The following AFAP1 variants were observed in gnomAD, a reference collection of about 807,000 sequenced individuals.
AFAP1 encodes actin filament associated protein 1, also known as actin filament-associated protein 1.
A neutral mutation model predicts 93.9 loss-of-function variants in AFAP1; 75 were observed. That is an observed-to-expected ratio of 0.80 (90% CI 0.66 to 0.97). The LOEUF is 0.97. Among genes scored for constraint, AFAP1 ranks in the 50% least tolerant of loss-of-function variants. The pLI is 0.00. For missense variants in AFAP1, 1,201 were observed against 1,050.8 expected (o/e 1.14, Z -1.98); for synonymous variants, 517 against 430.7 (o/e 1.20, Z -2.48).
At position 7,873,268 on chromosome 4, in the gene AFAP1, T is replaced by A. The variant is rs1269398530; in HGVS notation, c.-2-1188A>T. 2.1e-5 allele frequency among the ~76,000 whole-genome samples: 3 copies of A among 143,390 alleles called. No homozygotes were observed. The East Asian group carries it at 6.3e-4, about 30-fold the overall frequency. The allele number at this position is 143,390 out of a possible 152,430, so 94.1% of individuals were successfully genotyped here. A position where few individuals can be genotyped will look rare whatever the true frequency, so the allele number is the denominator to read the frequency against. On this transcript the variant is annotated intron_variant, in intron 1 of 17. Transcript: ENST00000420658. ...AAAAAAAAAAAAAAAAAAACCCCAC[T>A]TTCACTTAGGAGTGTCTTTGAGAAA...
intron 1 of AFAP1, among the ~76,000 whole-genome samples, chr4:7,879,875 G>A (rs1338099521): frequency 1.3e-5 from 2 of 151,982 alleles, no homozygotes; most frequent in African/African-American, 2.4e-5. Flanking sequence ...CTATTTGCCA[G>A]ACTGGTCTTG....
At position 7,780,275 on chromosome 4, in the gene AFAP1, G is replaced by A. The variant is rs75933658; in HGVS notation, c.1782+1101C>T. Among the ~76,000 whole-genome samples the A allele has an allele frequency of 8.9e-3, 1,352 of 152,274 alleles. 13 individuals are homozygous for A. The highest frequency in any genetic ancestry group is 0.03 in the African/African-American group (1,256 of 41,550). On this transcript the variant is annotated intron_variant, in intron 13 of 17. Coordinates refer to ENST00000420658, the MANE Select transcript of AFAP1 (RefSeq NM_001134647.2). ...CCCCAGGGATGGGATCTGAACAACC[G>A]TCATGAAAAATCAAAAAGCAACACC...
chr4:7,777,271 T>C (rs12504177), intron 14 of AFAP1: 13,557 of 152,192 alleles, frequency 0.089, 777 homozygotes, highest in Non-Finnish European at 0.13. Context: ...CAAAGGAAGT[T>C]AGTACATTAA....
chr4:7,927,705 TCA>T (rs1720845285), intron 1 of AFAP1, among the ~76,000 whole-genome samples: 1 of 152,174 alleles, frequency 6.6e-6, no homozygotes, highest in Admixed American at 6.5e-5. Flanking sequence ...ACTCATATAT[TCA>T]CAGTGTATTT....
At chr4:7,839,015 T>C (rs1177721026) in intron 5 of AFAP1, among the ~76,000 whole-genome samples, 1 of 152,200 alleles carries the variant, frequency 6.6e-6, no homozygotes, top group Non-Finnish European at 1.5e-5. Flanking sequence ...GGCTTCTTCA[T>C]TAAATTACAT....
At chr4:7,919,569 C>A (rs551440269) in intron 1 of AFAP1, among the ~76,000 whole-genome samples, 1 of 152,070 alleles carries the variant, frequency 6.6e-6, no homozygotes, top group Non-Finnish European at 1.5e-5. Context: ...AAGCCATGTG[C>A]GAAAGAGCTT....
At chr4:7,914,561 T>C (rs574832065) in intron 1 of AFAP1, among the ~76,000 whole-genome samples, 1 of 152,196 alleles carries the variant, frequency 6.6e-6, no homozygotes, top group Non-Finnish European at 1.5e-5. Flanking sequence ...ACACCGAGGC[T>C]GATTCCATAT....
intron 1 of AFAP1, among the ~76,000 whole-genome samples, chr4:7,873,196 T>C (rs1462382427): frequency 2.9e-5 from 4 of 137,994 alleles, no homozygotes; most frequent in African/African-American, 5.4e-5. Flanking sequence ...TGAGCCAAGA[T>C]TGCACCACTG....
Position 7,759,436 on chromosome 4 carries a change from C to CA in AFAP1, c.*4328dup, listed in dbSNP as rs1713460493. Reference sequence around the variant, plus strand: ...GACGCCCTGCTATGGCTTGGGGACTCACGAATAGAGGTGACTGCTTTTTCT... The same window carrying CA: ...GACGCCCTGCTATGGCTTGGGGACTCAACGAATAGAGGTGACTGCTTTTTCT... On this transcript the variant is annotated 3_prime_UTR_variant, in exon 18 of 18. Transcript: ENST00000420658. 1 of 152,584 alleles carries CA rather than the reference C, an allele frequency of 6.6e-6. No homozygotes were observed. The highest frequency in any genetic ancestry group is 2.4e-5 in the African/African-American group (1 of 41,412). 9.5% of individuals were successfully genotyped at this position (152,584 alleles called of 1,614,324 possible).
chr4:7,835,962 T>TTTG (rs1712247915), intron 6 of AFAP1, among the ~76,000 whole-genome samples: 1 of 152,010 alleles, frequency 6.6e-6, no homozygotes, highest in Non-Finnish European at 1.5e-5. Context: ...CACCCCCAAG[T>TTTG]GTGCGGGAGA....
intron 1 of AFAP1, among the ~76,000 whole-genome samples, chr4:7,909,068 T>A (rs1417644843): frequency 6.6e-6 from 1 of 152,200 alleles, no homozygotes; most frequent in Middle Eastern, 3.2e-3. Context: ...TAGTCTTTGG[T>A]TCGAGGGGTA....
intron 3 of AFAP1, among the ~76,000 whole-genome samples, chr4:7,859,593 A>G (rs985851267): frequency 6.6e-6 from 1 of 152,194 alleles, no homozygotes; most frequent in Non-Finnish European, 1.5e-5. Flanking sequence ...CAAATTCACT[A>G]AAATATTTCT....
intron 3 of AFAP1, among the ~76,000 whole-genome samples, chr4:7,857,442 T>G (rs975188451): frequency 1.3e-5 from 2 of 152,090 alleles, no homozygotes; most frequent in Admixed American, 6.6e-5. Context: ...GTTACCTCCC[T>G]CCCGCCCCCC....
intron 1 of AFAP1, among the ~76,000 whole-genome samples, chr4:7,897,265 A>T (rs1718838170): frequency 6.6e-6 from 1 of 152,212 alleles, no homozygotes; most frequent in African/African-American, 2.4e-5. Context: ...AGGACATCAG[A>T]GTAAATTCAG....
chr4:7,919,103 T>G (rs1189966133), intron 1 of AFAP1, among the ~76,000 whole-genome samples: 1 of 151,718 alleles, frequency 6.6e-6, no homozygotes, highest in Non-Finnish European at 1.5e-5. Flanking sequence ...GATGAGACAC[T>G]AGGCCCAGAT....
intron 1 of AFAP1, among the ~76,000 whole-genome samples, chr4:7,889,820 T>C (rs1718352560): frequency 6.7e-6 from 1 of 150,040 alleles, no homozygotes; most frequent in African/African-American, 2.4e-5. Context: ...ATGTAAACAA[T>C]CTATAAACTG....
At chr4:7,855,142 G>A (rs1451322100) in intron 4 of AFAP1, among the ~76,000 whole-genome samples, 1 of 152,236 alleles carries the variant, frequency 6.6e-6, no homozygotes, top group Non-Finnish European at 1.5e-5. Context: ...GACTAAGGAA[G>A]TGGGGGCTGT....
chr4:7,915,040 G>A lies in AFAP1; in HGVS notation c.-3+24616C>T, dbSNP rs528267428. On this transcript the variant is annotated intron_variant, in intron 1 of 17. Coordinates refer to ENST00000420658, the MANE Select transcript of AFAP1 (RefSeq NM_001134647.2). Reference sequence around the variant, plus strand: ...GCTGGGATTACAGGCGTGATCCACCGACCCAGCTAATTTTTGTATTTTTAG... The same window carrying A: ...GCTGGGATTACAGGCGTGATCCACCAACCCAGCTAATTTTTGTATTTTTAG... Among the ~76,000 whole-genome samples, 13 of 152,076 alleles carry A rather than the reference G, an allele frequency of 8.5e-5. 1 individual carries two copies. The highest frequency in any genetic ancestry group is 5.8e-4 in the East Asian group (3 of 5,170).
At chr4:7,869,528 G>T (rs6839086) in intron 2 of AFAP1, among the ~76,000 whole-genome samples, 129,911 of 152,208 alleles carry the variant, frequency 0.85, 56,548 homozygotes, top group Non-Finnish European at 0.95. Context: ...TGGGCACTCA[G>T]ATTTAAGTTG....
Sources: gnomAD v4.1 joint callset for allele counts (sites outside exome capture counted in the v4.1 genomes callset) on GRCh38, gnomAD v4.1.1 for gene constraint, MANE v1.5 for transcripts, NCBI Gene and HGNC (gene_info 2026-07-23, HGNC 2026-07-21) for gene names.